Variants in SLCO1A2 observed in about 807,000 individuals in gnomAD.
The protein encoded by SLCO1A2 is OATP-1.
SLCO1A2 carries 67 observed loss-of-function variants against 69.0 expected under a neutral mutation model. The ratio of observed to expected loss-of-function variants is 0.97; its 90% CI spans 0.80 to 1.19. The LOEUF (loss-of-function observed/expected upper bound fraction) is 1.19. Ranked by LOEUF, SLCO1A2 falls within the 50% of genes most tolerant of loss-of-function variation. The pLI is 0.00. For synonymous variants in SLCO1A2, 260 were observed against 265.9 expected, an observed-to-expected ratio of 0.98 and a Z score of 0.22; for missense variants, 787 against 793.7, an observed-to-expected ratio of 0.99 and a Z score of 0.10.
chr12:21,350,114 T>C (rs557783426), intron 2 of SLCO1A2, among the ~76,000 whole-genome samples: 1 of 152,282 alleles, frequency 6.6e-6, no homozygotes, highest in South Asian at 2.1e-4. Flanking sequence ...GTAACATTGG[T>C]AGAGATCTTT....
At chr12:21,334,318 A>G (rs1952791263) in intron 2 of SLCO1A2, among the ~76,000 whole-genome samples, 1 of 152,050 alleles carries the variant, frequency 6.6e-6, no homozygotes, top group Non-Finnish European at 1.5e-5. Context: ...AAATCCTGCC[A>G]CAGTATGTGT....
rs769594603 is a variant in SLCO1A2 at position 21,294,100 on chromosome 12, C to G, written c.1282G>C (p.Asp428His). 31 of 1,590,242 alleles carry G rather than the reference C, an allele frequency of 1.9e-5. No individual in the cohort carries two copies. Among genetic ancestry groups the G allele is most frequent in the Non-Finnish European group, 2.6e-5 (30 of 1,169,092 alleles). ...AAGATGTCATTTTCCACATATAAAT[C>G]TTGTGGAATTCTGAAGTGATTTAAA... ...INTSYEGIPQ[D>H]LYVENDIFAD... The change falls in exon 11 of 15, where the codon GAT becomes CAT. Residue 428 changes from aspartate (D) to histidine (H), a missense_variant. Coordinates refer to ENST00000683939, the MANE Select transcript of SLCO1A2 (RefSeq NM_001386879.1).
chr12:21,337,641 G>C (rs1952937790), upstream of SLCO1A2, among the ~76,000 whole-genome samples: 1 of 152,000 alleles, frequency 6.6e-6, no homozygotes, highest in South Asian at 2.1e-4. Context: ...GTGGTATCCA[G>C]CTGAAACAAT....
intron 8 of SLCO1A2, among the ~76,000 whole-genome samples, chr12:21,298,655 C>A (rs1034258344): frequency 6.6e-6 from 1 of 151,986 alleles, no homozygotes; most frequent in Non-Finnish European, 1.5e-5. Context: ...TTTAAGTCAC[C>A]CATGTTTGTT....
At chr12:21,314,497 T>A (rs1311758104) in intron 4 of SLCO1A2, 52 bp downstream of exon 4, 1 of 1,607,180 alleles carries the variant, frequency 6.2e-7, no homozygotes, top group Admixed American at 1.7e-5. Flanking sequence ...TGCAACTTCA[T>A]TTCCTGCAAG....
chr12:21,288,331 CTCAGGAGGCTGAA>C (rs370705151), intron 12 of SLCO1A2, among the ~76,000 whole-genome samples: 3 of 152,178 alleles, frequency 2.0e-5, no homozygotes, highest in Non-Finnish European at 4.4e-5. Context: ...GTCCCCGCTA[CTCAGGAGGCTGAA>C]GCAGGAGGAT....
intron 2 of SLCO1A2, among the ~76,000 whole-genome samples, chr12:21,347,659 A>AG (rs11397114): frequency 0.15 from 21,047 of 144,260 alleles, 1,984 homozygotes; most frequent in African/African-American, 0.26. Context: ...GAAGGAAAGA[A>AG]GAAAGAAAGA....
At chr12:21,375,163 TTAGAAA>T (rs1434420488) in intron 1 of SLCO1A2, among the ~76,000 whole-genome samples, 1 of 152,184 alleles carries the variant, frequency 6.6e-6, no homozygotes, top group Non-Finnish European at 1.5e-5. Flanking sequence ...GAAACTTCAC[TTAGAAA>T]TAGAGCAATA....
At chr12:21,284,479 T>C (rs546770105) in intron 12 of SLCO1A2, among the ~76,000 whole-genome samples, 5 of 152,032 alleles carry the variant, frequency 3.3e-5, no homozygotes, top group South Asian at 2.1e-4. Context: ...TACCCAGGAA[T>C]TGAACTCAGC....
chr12:21,402,023 T>C (rs1941722535), intron 1 of SLCO1A2, among the ~76,000 whole-genome samples: 1 of 151,306 alleles, frequency 6.6e-6, no homozygotes, highest in African/African-American at 2.4e-5. Flanking sequence ...ATAATCCATG[T>C]TTAAAGATGA....
chr12:21,289,198 G>GTA (rs922658808), intron 12 of SLCO1A2, among the ~76,000 whole-genome samples: 2 of 150,914 alleles, frequency 1.3e-5, no homozygotes, highest in South Asian at 2.1e-4. Context: ...GTGTGTGTGT[G>GTA]TGTGTGTGTG....
intron 1 of SLCO1A2, among the ~76,000 whole-genome samples, chr12:21,386,694 A>G (rs1178521739): frequency 2.0e-5 from 3 of 152,070 alleles, no homozygotes; most frequent in Non-Finnish European, 4.4e-5. Context: ...ATTTCTTCAC[A>G]GCAGTATGAA....
At chr12:21,329,500 T>G (rs898027815) in intron 2 of SLCO1A2, among the ~76,000 whole-genome samples, 3 of 142,966 alleles carry the variant, frequency 2.1e-5, no homozygotes, top group African/African-American at 7.4e-5. Context: ...TGAATATTTT[T>G]GCTTTTTTTT....
chr12:21,279,069 A>G (rs1261695880), intron 12 of SLCO1A2, among the ~76,000 whole-genome samples: 1 of 152,082 alleles, frequency 6.6e-6, no homozygotes, highest in Non-Finnish European at 1.5e-5. Context: ...ATACTAAAGA[A>G]TGCCTCAGAA....
intron 14 of SLCO1A2, among the ~76,000 whole-genome samples, chr12:21,272,353 T>C (rs1943032850): frequency 1.3e-5 from 2 of 151,932 alleles, no homozygotes. Context: ...TTTTTGTCTG[T>C]ATTTAATATT....
intron 2 of SLCO1A2, among the ~76,000 whole-genome samples, chr12:21,351,740 T>C (rs1937974677): frequency 6.6e-6 from 1 of 150,982 alleles, no homozygotes; most frequent in African/African-American, 2.4e-5. Context: ...ATCACGCCAT[T>C]GCACTCCAGC....
intron 1 of SLCO1A2, among the ~76,000 whole-genome samples, chr12:21,417,126 A>G (rs1431853455): frequency 2.6e-5 from 4 of 152,066 alleles, no homozygotes; most frequent in Non-Finnish European, 5.9e-5. Context: ...CTTTTTCTAG[A>G]AGATTTGGGA....
Position 21,301,224 on chromosome 12 carries a change from A to T in SLCO1A2, c.635T>A (p.Leu212Ter), listed in dbSNP as rs770726998. The T allele has an allele frequency of 1.2e-6, 2 of 1,612,580 alleles. No homozygotes were observed. Among genetic ancestry groups the T allele is most frequent in the African/African-American group, 2.7e-5 (2 of 74,862 alleles). The change falls in exon 7 of 15, where the codon TTG becomes TAG. Residue 212 changes from leucine (L) to a stop codon, truncating the protein, a stop_gained. Transcript: ENST00000683939. LOFTEE classifies it high-confidence loss of function. Reference sequence around the variant, plus strand: ...AACATTTGCACAGAATGATGCCAACAAAAGTCCAATCAAAGGACCAATAAT... The same window carrying T: ...AACATTTGCACAGAATGATGCCAACTAAAGTCCAATCAAAGGACCAATAAT... Reference protein sequence around the residue: ...GAIIGPLIGLLLASFCANVYV... With the variant: ...GAIIGPLIGL
intron 1 of SLCO1A2, among the ~76,000 whole-genome samples, chr12:21,414,935 G>C (rs1021871092): frequency 2.0e-5 from 3 of 151,976 alleles, no homozygotes; most frequent in African/African-American, 7.2e-5. Flanking sequence ...GTACCTTAAA[G>C]TCTATTTTAT....
Sources: allele counts gnomAD v4.1 joint callset (sites outside exome capture counted in the v4.1 genomes callset), GRCh38; gene constraint gnomAD v4.1.1; transcripts MANE v1.5; gene names NCBI Gene and HGNC (gene_info 2026-07-23, HGNC 2026-07-21).